NCOR2: variants seen among roughly 807,000 people sequenced by gnomAD.
The protein encoded by NCOR2 is nuclear receptor corepressor 2.
In NCOR2, 81 loss-of-function variants were observed where a neutral mutation model predicts 262.9. The ratio of observed to expected loss-of-function variants is 0.31; its 90% CI spans 0.26 to 0.37. The LOEUF is 0.37. NCOR2 is among the 10% of genes least tolerant of loss of function. NCOR2 has a pLI of 1.00. For missense variants in NCOR2, 3,385 were observed against 3,621.4 expected (o/e 0.93, Z 1.68); for synonymous variants, 1,659 against 1,559.3 (o/e 1.06, Z -1.51).
chr12:124,419,698 C>T (rs1280335824), intron 13 of NCOR2, among the ~76,000 whole-genome samples: 2 of 152,242 alleles, frequency 1.3e-5, no homozygotes, highest in African/African-American at 4.8e-5. Flanking sequence ...TGAGGAGGCC[C>T]GTGGCTGTTT....
At chr12:124,500,928 G>A (rs553477862) in intron 1 of NCOR2, among the ~76,000 whole-genome samples, 13 of 152,238 alleles carry the variant, frequency 8.5e-5, no homozygotes, top group South Asian at 4.1e-4. Context: ...GCTCTGCGCC[G>A]CACGTGCCTG....
At chr12:124,518,498 G>T (rs183986344) in intron 1 of NCOR2, among the ~76,000 whole-genome samples, 2 of 152,226 alleles carry the variant, frequency 1.3e-5, no homozygotes, top group African/African-American at 4.8e-5. Context: ...GTGCGGGGCC[G>T]CCTGACCCCA....
At chr12:124,465,890 C>A (rs1357391276) in intron 5 of NCOR2, among the ~76,000 whole-genome samples, 2 of 152,220 alleles carry the variant, frequency 1.3e-5, no homozygotes, top group African/African-American at 4.8e-5. Flanking sequence ...GACCCTGGTG[C>A]TCTCCTGGAG....
chr12:124,438,378 G>A (rs954398190), intron 7 of NCOR2, among the ~76,000 whole-genome samples: 3 of 152,154 alleles, frequency 2.0e-5, no homozygotes, highest in Non-Finnish European at 2.9e-5. Flanking sequence ...CCGAGACCCC[G>A]AGACCTGCTG....
chr12:124,517,787 G>A lies in NCOR2; in HGVS notation c.-118+17778C>T, dbSNP rs918289104. On this transcript the variant is annotated intron_variant, in intron 1 of 46. Transcript: ENST00000404621. This position sits in a 1 kb window ranked among gnomAD's most constrained non-coding sequence, Gnocchi z 7.6. The stretch of plus-strand genomic sequence containing the variant: ...CAAGAAGCCTCACCCCGGCCTGCCC[G>A]GCCAGCGCCTCCGAGCGCTCTTTTC... 2.6e-5 allele frequency among the ~76,000 whole-genome samples: 4 copies of A among 152,316 alleles called. No homozygotes were observed. The highest frequency in any genetic ancestry group is 1.5e-5 in the Non-Finnish European group (1 of 68,020).
intron 21 of NCOR2, among the ~76,000 whole-genome samples, chr12:124,363,171 G>C (rs576735237): frequency 6.6e-6 from 1 of 152,218 alleles, no homozygotes; most frequent in Non-Finnish European, 1.5e-5. Context: ...AAGTCCCAAG[G>C]GACCACCAGC....
intron 16 of NCOR2, among the ~76,000 whole-genome samples, chr12:124,394,667 C>G (rs2041536332): frequency 1.3e-5 from 2 of 152,228 alleles, no homozygotes; most frequent in Admixed American, 6.5e-5. Flanking sequence ...GCCAAGGCTG[C>G]AGGCAGGCGC....
Position 124,430,812 on chromosome 12 carries a change from G to A in NCOR2, c.883-25C>T, listed in dbSNP as rs79261515. ...CCTGGGAGAGCGCAGGGGGCACTGC[G>A]GAAGATGCTCCTGCACCTGGCACCC... On this transcript the variant is annotated intron_variant, in intron 8 of 46. Transcript: ENST00000405201. The A allele has an allele frequency of 1.4e-4, 219 of 1,580,466 alleles. 1 individual carries two copies. Among genetic ancestry groups the A allele is most frequent in the Non-Finnish European group, 1.7e-4 (192 of 1,160,326 alleles).
chr12:124,516,680 C>T (rs558173423), intron 1 of NCOR2, among the ~76,000 whole-genome samples: 5 of 152,112 alleles, frequency 3.3e-5, no homozygotes, highest in South Asian at 2.1e-4. Context: ...TGTGGGATTC[C>T]GGGACTTGCC....
intron 7 of NCOR2, among the ~76,000 whole-genome samples, chr12:124,449,078 C>T (rs765733990): frequency 7.2e-5 from 11 of 152,170 alleles, no homozygotes; most frequent in African/African-American, 7.2e-5. Flanking sequence ...ATGCCCTCCT[C>T]GGCCCAACAG....
chr12:124,327,316 G>T, intron 45 of NCOR2, 93 bp downstream of exon 47: 1 of 1,032,968 alleles, frequency 9.7e-7, no homozygotes, highest in South Asian at 1.6e-5. Flanking sequence ...TCCAAAGCTC[G>T]AGGAGGGGGT....
chr12:124,352,571 T>C (rs2037583465), intron 27 of NCOR2, among the ~76,000 whole-genome samples: 1 of 152,018 alleles, frequency 6.6e-6, no homozygotes, highest in African/African-American at 2.4e-5. Flanking sequence ...CAGGCCTCTT[T>C]TTGTCCAGGC....
At position 124,548,250 on chromosome 12, in the gene NCOR2, C is replaced by T. The variant is rs909650200; in HGVS notation, c.-164-12639G>A. Among the ~76,000 whole-genome samples, 1 of 152,194 alleles carries T rather than the reference C, an allele frequency of 6.6e-6. No homozygotes were observed. Among genetic ancestry groups the T allele is most frequent in the South Asian group, 2.1e-4 (1 of 4,828 alleles). ...CATTCCAGGTGGGGGGAACAACAAA[C>T]GCGAAGGCCCAGAGGCAGATGCGGT... On this transcript the variant is annotated intron_variant, in intron 1 of 32. Transcript: ENST00000458234. This position sits in a 1 kb window ranked among gnomAD's most constrained non-coding sequence, Gnocchi z 5.1.
chr12:124,479,351 C>T lies in NCOR2; in HGVS notation c.411+4245G>A, dbSNP rs369091927. On this transcript the variant is annotated intron_variant, in intron 3 of 46. Transcript: ENST00000405201. Reference sequence around the variant, plus strand: ...GTGCGCACACAAACACACATACACACGTGCAACACATGCACACTCACGCAC... The same window carrying T: ...GTGCGCACACAAACACACATACACATGTGCAACACATGCACACTCACGCAC... Among the ~76,000 whole-genome samples the T allele has an allele frequency of 9.9e-5, 15 of 151,998 alleles. No homozygotes were observed. In the East Asian group the frequency reaches 2.3e-3, roughly 23 times the overall value.
At chr12:124,426,591 G>A (rs762346699) in intron 11 of NCOR2, 31 bp downstream of exon 13, 15 of 1,534,916 alleles carry the variant, frequency 9.8e-6, no homozygotes, top group Admixed American at 3.6e-5. Context: ...GTGGGGGGCC[G>A]GGAGGCCAGG....
chr12:124,503,673 T>C lies in NCOR2; in HGVS notation c.-117-8305A>G, dbSNP rs1481587677. Among the ~76,000 whole-genome samples, 1 of 112,986 alleles carries C rather than the reference T, an allele frequency of 8.9e-6. No homozygotes were observed. Among genetic ancestry groups the C allele is most frequent in the African/African-American group, 4.9e-5 (1 of 20,394 alleles). The allele number at this position is 112,986 out of a possible 152,430, so 74.1% of individuals were successfully genotyped here. A position where few individuals can be genotyped will look rare whatever the true frequency, so the allele number is the denominator to read the frequency against. On this transcript the variant is annotated intron_variant, in intron 1 of 46. Coordinates refer to the NCOR2 transcript ENST00000404621. The surrounding 1 kb of genome is among the most constrained non-coding windows in gnomAD (Gnocchi z 4.3). ...ATGGATGGATGGATGGACGGGTGAA[T>C]GGATGGATGGATGGATGGATGGATG... is the stretch of plus-strand genomic sequence containing the variant.
rs1465101401 is a variant in NCOR2, at chr12:124,389,458, C to G, written c.1877-3571G>C. 1.3e-5 allele frequency among the ~76,000 whole-genome samples: 2 copies of G among 152,056 alleles called. No homozygotes were observed. Among genetic ancestry groups the G allele is most frequent in the Non-Finnish European group, 2.9e-5 (2 of 67,996 alleles). On this transcript the variant is annotated intron_variant, in intron 16 of 46. Coordinates refer to ENST00000405201, the Ensembl canonical transcript of NCOR2. The surrounding 1 kb of genome is among the most constrained non-coding windows in gnomAD (Gnocchi z 4.4). Reference sequence around the variant, plus strand: ...CCTCTCTCCCCATCCGCGGCGGTGGCGGCGTCAGCAGTGGTAAGAACAGAT... The same window carrying G: ...CCTCTCTCCCCATCCGCGGCGGTGGGGGCGTCAGCAGTGGTAAGAACAGAT...
At chr12:124,544,961 A>T (rs1263876360) in intron 1 of NCOR2, among the ~76,000 whole-genome samples, 2 of 152,134 alleles carry the variant, frequency 1.3e-5, no homozygotes, top group Admixed American at 6.5e-5. Context: ...TAGTGCTGTC[A>T]TTTTTTAAAG....
At chr12:124,354,731 C>T in intron 25 of NCOR2, 106 bp downstream of exon 27, 1 of 1,312,610 alleles carries the variant, frequency 7.6e-7, no homozygotes. Context: ...CTCCCAGCTG[C>T]TACCTGGAGT....
Sources: gnomAD v4.1 joint callset for allele counts (sites outside exome capture counted in the v4.1 genomes callset) on GRCh38, gnomAD v4.1.1 for gene constraint, Gnocchi (gnomAD v3.1) non-coding constraint, MANE v1.5 for transcripts, NCBI Gene and HGNC (gene_info 2026-07-23, HGNC 2026-07-21) for gene names.